CAMSAP2: variants seen among roughly 807,000 people sequenced by gnomAD.
CAMSAP2 encodes the protein calmodulin regulated spectrin associated protein family member 2.
In CAMSAP2, 26 loss-of-function variants were observed where a neutral mutation model predicts 146.1. The observed-to-expected ratio is 0.18, with a 90% CI of 0.13 to 0.25. The LOEUF is 0.25. CAMSAP2 is among the 10% of genes least tolerant of loss of function. The pLI is 1.00. For synonymous variants in CAMSAP2, 499 were observed against 596.6 expected, an observed-to-expected ratio of 0.84 and a Z score of 2.38; for missense variants, 1,381 against 1,759.3, an observed-to-expected ratio of 0.78 and a Z score of 3.85.
chr1:200,788,108 T>A (rs1400615230), intron 2 of CAMSAP2, among the ~76,000 whole-genome samples: 1 of 152,138 alleles, frequency 6.6e-6, no homozygotes, highest in Admixed American at 6.5e-5. Context: ...ATCCAAGGAG[T>A]GCCTGTAGTT....
Position 200,807,473 on chromosome 1 carries a change from C to CT in CAMSAP2, c.504dup (p.Gln169SerfsTer8). Reference sequence around the variant, plus strand: ...ATTGCGTGTGCTCAGCAGTATTCAGCTTTTTTTCAAGCCACAGATCTGCCC... The same window carrying CT: ...ATTGCGTGTGCTCAGCAGTATTCAGCTTTTTTTTCAAGCCACAGATCTGCCC... On this transcript the variant is annotated frameshift_variant, in exon 3 of 17. Coordinates refer to ENST00000358823, the MANE Select transcript of CAMSAP2 (RefSeq NM_203459.4). LOFTEE classifies it high-confidence loss of function. 6.2e-7 allele frequency: 1 copy of CT among 1,609,194 alleles called. No individual in the cohort carries two copies. The highest frequency in any genetic ancestry group is 1.1e-5 in the South Asian group (1 of 90,888).
intron 4 of CAMSAP2, among the ~76,000 whole-genome samples, chr1:200,823,126 A>C (rs184254747): frequency 8.5e-5 from 13 of 152,324 alleles, no homozygotes; most frequent in Admixed American, 7.2e-4. Context: ...TCACAAATTT[A>C]TAATTTTCTA....
intron 4 of CAMSAP2, among the ~76,000 whole-genome samples, chr1:200,830,305 G>A (rs1327279295): frequency 6.6e-6 from 1 of 150,410 alleles, no homozygotes; most frequent in Non-Finnish European, 1.5e-5. Flanking sequence ...AAAGCTGTGT[G>A]TGTGTGTGTG....
intron 2 of CAMSAP2, among the ~76,000 whole-genome samples, chr1:200,806,323 G>C (rs766910630): frequency 6.6e-6 from 1 of 152,180 alleles, no homozygotes; most frequent in Non-Finnish European, 1.5e-5. Flanking sequence ...ATAAAAGGAT[G>C]CTCATCTTCA....
At chr1:200,751,467 G>A (rs1329594362) in intron 1 of CAMSAP2, among the ~76,000 whole-genome samples, 17 of 148,918 alleles carry the variant, frequency 1.1e-4, no homozygotes, top group African/African-American at 3.0e-4. Context: ...ATCAGGAGGC[G>A]GAGGTTGCAG....
chr1:200,766,987 G>A (rs1664971996), intron 2 of CAMSAP2, among the ~76,000 whole-genome samples: 2 of 152,188 alleles, frequency 1.3e-5, no homozygotes, highest in Admixed American at 1.3e-4. Context: ...AGGGGATGAA[G>A]TAGAGTTGTG....
At chr1:200,756,986 A>G (rs572148858) in intron 1 of CAMSAP2, among the ~76,000 whole-genome samples, 2 of 152,202 alleles carry the variant, frequency 1.3e-5, no homozygotes, top group South Asian at 4.1e-4. Context: ...CCATTTTGAT[A>G]ACTTTAATTA....
chr1:200,754,946 C>G (rs1419878568), intron 1 of CAMSAP2, among the ~76,000 whole-genome samples: 1 of 152,118 alleles, frequency 6.6e-6, no homozygotes, highest in Non-Finnish European at 1.5e-5. Flanking sequence ...GTGTTTTATT[C>G]AGTGGGTTAT....
In CAMSAP2 at chr1:200,841,978, T is replaced by A; in HGVS notation, c.928-16T>A. The A allele has an allele frequency of 6.3e-7, 1 of 1,583,518 alleles. No homozygotes were observed. The highest frequency in any genetic ancestry group is 8.7e-7 in the Non-Finnish European group (1 of 1,153,832). The stretch of plus-strand genomic sequence containing the variant: ...GTTTTACCTAATGTAGGCTTTCTCT[T>A]AAATTTCCTATATAGAGTAATTATT... On this transcript the variant is annotated splice_polypyrimidine_tract_variant and intron_variant, in intron 6 of 16. Transcript: ENST00000358823.
intron 3 of CAMSAP2, among the ~76,000 whole-genome samples, chr1:200,808,381 C>G (rs1224696997): frequency 1.3e-5 from 2 of 152,080 alleles, no homozygotes; most frequent in Non-Finnish European, 2.9e-5. Context: ...AACTGCCAGC[C>G]AAAAGAAAAT....
intron 4 of CAMSAP2, among the ~76,000 whole-genome samples, chr1:200,817,155 C>CACACGTGTGTGTAT (rs1558191912): frequency 8.7e-6 from 1 of 114,608 alleles, no homozygotes; most frequent in Non-Finnish European, 1.8e-5. Flanking sequence ...CACATACACA[C>CACACGTGTGTGTAT]ATACACACAC....
At chr1:200,844,018 C>T (rs1283303944) in intron 7 of CAMSAP2, among the ~76,000 whole-genome samples, 1 of 151,826 alleles carries the variant, frequency 6.6e-6, no homozygotes, top group Non-Finnish European at 1.5e-5. Flanking sequence ...ACAACAGGCG[C>T]CTGCCACCAC....
chr1:200,759,124 C>G (rs887834972), intron 1 of CAMSAP2, among the ~76,000 whole-genome samples: 8 of 152,072 alleles, frequency 5.3e-5, no homozygotes, highest in African/African-American at 1.4e-4. Context: ...AGCTTTGCCT[C>G]TTACTGCTTT....
intron 2 of CAMSAP2, among the ~76,000 whole-genome samples, chr1:200,788,255 C>A (rs186538590): frequency 4.7e-4 from 71 of 152,266 alleles, no homozygotes; most frequent in Admixed American, 5.9e-4. Flanking sequence ...TCTGAATGTG[C>A]TACAGTTTTA....
chr1:200,801,290 A>G (rs1233299286), intron 2 of CAMSAP2, among the ~76,000 whole-genome samples: 1 of 151,828 alleles, frequency 6.6e-6, no homozygotes, highest in Non-Finnish European at 1.5e-5. Context: ...TAGAATGTTG[A>G]ATATTGGCCC....
At chr1:200,759,048 A>G (rs1267671094) in intron 1 of CAMSAP2, among the ~76,000 whole-genome samples, 1 of 152,172 alleles carries the variant, frequency 6.6e-6, no homozygotes, top group Non-Finnish European at 1.5e-5. Context: ...TAGCTAATAT[A>G]CAAAGTCCTC....
intron 1 of CAMSAP2, among the ~76,000 whole-genome samples, chr1:200,759,993 T>A (rs909100165): frequency 6.6e-6 from 1 of 152,208 alleles, no homozygotes; most frequent in African/African-American, 2.4e-5. Flanking sequence ...CTTAAGTTGA[T>A]TTGGGAGCAG....
At chr1:200,787,317 G>C (rs1665622109) in intron 2 of CAMSAP2, among the ~76,000 whole-genome samples, 1 of 152,150 alleles carries the variant, frequency 6.6e-6, no homozygotes, top group Admixed American at 6.5e-5. Context: ...ATGATTCGTG[G>C]GAGGAGATCA....
At chr1:200,841,869 C>G (rs754785673) in intron 6 of CAMSAP2, 125 bp from the exon 7 acceptor site, 15 of 667,186 alleles carry the variant, frequency 2.2e-5, no homozygotes, top group Non-Finnish European at 3.9e-5. Context: ...TGTTTAATAG[C>G]CTACTATAGT....
Sources: allele counts gnomAD v4.1 joint callset (sites outside exome capture counted in the v4.1 genomes callset), GRCh38; gene constraint gnomAD v4.1.1; transcripts MANE v1.5; gene names NCBI Gene and HGNC (gene_info 2026-07-23, HGNC 2026-07-21).